The following ZFHX3 variants were observed in gnomAD, a reference collection of about 807,000 sequenced individuals.
ZFHX3 encodes the protein zinc finger homeobox protein 3.
Under a neutral mutation model 279.1 loss-of-function variants are expected in ZFHX3, and 42 were observed. The ratio of observed to expected loss-of-function variants is 0.15; its 90% confidence interval spans 0.12 to 0.19. ZFHX3 has a LOEUF of 0.19. Ranked by LOEUF, ZFHX3 falls within the 10% of genes least tolerant of loss-of-function variation. The pLI is 1.00. For missense variants in ZFHX3, 4,981 were observed against 4,754.0 expected, an observed-to-expected ratio of 1.05 and a Z score of -1.40; for synonymous variants, 2,293 against 1,957.8, an observed-to-expected ratio of 1.17 and a Z score of -4.52.
chr16:73,580,635 G>T (rs2051851925), intron 2 of ZFHX3, among the ~76,000 whole-genome samples: 2 of 151,632 alleles, frequency 1.3e-5, no homozygotes, highest in Admixed American at 6.6e-5. Flanking sequence ...CTATCTTTCA[G>T]GGTAAGGAGT....
At chr16:73,344,971 C>G (rs1281172412) in intron 3 of ZFHX3, among the ~76,000 whole-genome samples, 6 of 152,146 alleles carry the variant, frequency 3.9e-5, no homozygotes, top group Non-Finnish European at 7.4e-5. Flanking sequence ...CAGAGAGAAC[C>G]TGGGTCCCTT....
chr16:73,331,547 T>C (rs2015805223), intron 3 of ZFHX3, among the ~76,000 whole-genome samples: 1 of 152,136 alleles, frequency 6.6e-6, no homozygotes, highest in South Asian at 2.1e-4. Context: ...GTGCAGAGAG[T>C]ACATCCACAA....
At chr16:73,557,117 A>AAG (rs1567518143) in intron 2 of ZFHX3, among the ~76,000 whole-genome samples, 3 of 143,900 alleles carry the variant, frequency 2.1e-5, no homozygotes, top group African/African-American at 8.6e-5. Context: ...AAAAAAAAAA[A>AAG]AAAGGCCTCA....
chr16:72,878,420 G>A (rs1290687282), intron 4 of ZFHX3, among the ~76,000 whole-genome samples: 5 of 152,334 alleles, frequency 3.3e-5, no homozygotes, highest in African/African-American at 1.2e-4. Flanking sequence ...GATCAGGGCT[G>A]CCCTCCCCAT....
intron 1 of ZFHX3, among the ~76,000 whole-genome samples, chr16:73,702,812 G>C (rs1232344570): frequency 1.3e-5 from 2 of 152,190 alleles, no homozygotes; most frequent in Admixed American, 6.5e-5. Flanking sequence ...ATGTTCTTGA[G>C]ATCATGTATC....
At chr16:72,962,077 C>T (rs1272160000) in intron 1 of ZFHX3, among the ~76,000 whole-genome samples, 3 of 152,040 alleles carry the variant, frequency 2.0e-5, no homozygotes, top group Admixed American at 6.5e-5. Flanking sequence ...CCTGAAGGGG[C>T]GGGAGGGTTA....
At chr16:73,824,566 C>T (rs1287809729) in intron 1 of ZFHX3, among the ~76,000 whole-genome samples, 11 of 106,454 alleles carry the variant, frequency 1.0e-4, no homozygotes, top group African/African-American at 3.6e-4. Context: ...CCGACCCCAC[C>T]ACAGTCCCCA....
chr16:73,457,644 A>T (rs2018396624), intron 2 of ZFHX3, among the ~76,000 whole-genome samples: 1 of 152,196 alleles, frequency 6.6e-6, no homozygotes, highest in African/African-American at 2.4e-5. Context: ...GTAGTGGCGC[A>T]TGCCTGTATT....
At chr16:72,808,588 TTCC>T (rs1318052140) in intron 7 of ZFHX3, among the ~76,000 whole-genome samples, 1 of 152,238 alleles carries the variant, frequency 6.6e-6, no homozygotes, top group African/African-American at 2.4e-5. Context: ...ACAAGTTGAC[TTCC>T]TATTACAAGT....
chr16:73,367,648 C>T (rs1444980519), intron 3 of ZFHX3, among the ~76,000 whole-genome samples: 1 of 152,196 alleles, frequency 6.6e-6, no homozygotes, highest in African/African-American at 2.4e-5. Context: ...TTAAGGATTA[C>T]AGGTGCTGTC....
intron 1 of ZFHX3, among the ~76,000 whole-genome samples, chr16:73,876,547 A>G (rs1057511848): frequency 6.6e-6 from 1 of 152,252 alleles, no homozygotes; most frequent in Non-Finnish European, 1.5e-5. Context: ...TACATTAGCT[A>G]AAGTACATTA....
intron 3 of ZFHX3, among the ~76,000 whole-genome samples, chr16:72,937,773 A>G (rs543517449): frequency 6.6e-6 from 1 of 152,084 alleles, no homozygotes; most frequent in Non-Finnish European, 1.5e-5. Flanking sequence ...TCACTTCCTG[A>G]CCTTCCTCCT....
intron 2 of ZFHX3, among the ~76,000 whole-genome samples, chr16:73,513,955 C>A (rs947852986): frequency 6.6e-6 from 1 of 152,086 alleles, no homozygotes; most frequent in African/African-American, 2.4e-5. Flanking sequence ...GAAGGCTGCA[C>A]AAAGAAAGTG....
Position 72,892,798 on chromosome 16 carries a change from C to T in ZFHX3, c.3217-2836G>A, listed in dbSNP as rs371953775. Among the ~76,000 whole-genome samples, 7 of 152,232 alleles carry T rather than the reference C, an allele frequency of 4.6e-5. No individual in the cohort carries two copies. In the East Asian group the frequency reaches 5.8e-4, roughly 13 times the overall value. On this transcript the variant is annotated intron_variant, in intron 3 of 9. Coordinates refer to ENST00000268489, the MANE Select transcript of ZFHX3 (RefSeq NM_006885.4). ...AGCTGGGATTATAGGCGTGAGCCACCGCACCTGACCTCTGAGCTGCTTTTA... is the reference window on the plus strand; with the variant it reads ...AGCTGGGATTATAGGCGTGAGCCACTGCACCTGACCTCTGAGCTGCTTTTA...
At chr16:72,915,758 G>A (rs1296346990) in intron 3 of ZFHX3, among the ~76,000 whole-genome samples, 4 of 146,776 alleles carry the variant, frequency 2.7e-5, no homozygotes, top group Non-Finnish European at 5.9e-5. Context: ...GCAAGACTCT[G>A]TCATAAAAAA....
chr16:73,523,008 CA>C (rs2019631903), intron 2 of ZFHX3, among the ~76,000 whole-genome samples: 2 of 152,116 alleles, frequency 1.3e-5, no homozygotes, highest in Non-Finnish European at 2.9e-5. Flanking sequence ...AATTACCTCC[CA>C]CTGGGTCCCT....
intron 1 of ZFHX3, among the ~76,000 whole-genome samples, chr16:72,979,571 G>C (rs1962498249): frequency 6.6e-6 from 1 of 152,182 alleles, no homozygotes; most frequent in African/African-American, 2.4e-5. Context: ...CTCTCAGGAA[G>C]CTTTTATTGA....
rs979341729 is a variant in ZFHX3 at position 73,163,439 on chromosome 16, T to A, written c.-1103-19608A>T. On this transcript the variant is annotated intron_variant, in intron 5 of 17. Transcript: ENST00000641206. Reference sequence around the variant, plus strand: ...CCGTGACTTGTTTTTGTAAATAAAGTTTTATTGGAACTCAGCCATGTCCAT... The same window carrying A: ...CCGTGACTTGTTTTTGTAAATAAAGATTTATTGGAACTCAGCCATGTCCAT... Among the ~76,000 whole-genome samples, 29 of 152,260 alleles carry A rather than the reference T, an allele frequency of 1.9e-4. 1 individual carries two copies. Among genetic ancestry groups the A allele is most frequent in the Admixed American group, 1.3e-3 (20 of 15,292 alleles).
At chr16:73,544,341 G>C (rs2020073312) in intron 2 of ZFHX3, among the ~76,000 whole-genome samples, 1 of 152,152 alleles carries the variant, frequency 6.6e-6, no homozygotes, top group Non-Finnish European at 1.5e-5. Context: ...GTAAGGAGGG[G>C]GGCCCTCCCC....
Sources: allele counts gnomAD v4.1 joint callset (sites outside exome capture counted in the v4.1 genomes callset), GRCh38; gene constraint gnomAD v4.1.1; transcripts MANE v1.5; gene names NCBI Gene and HGNC (gene_info 2026-07-23, HGNC 2026-07-21).